The following TAFA4 variants were observed in gnomAD, a reference collection of about 807,000 sequenced individuals.
TAFA4 encodes chemokine-like protein TAFA-4.
Under a neutral mutation model 21.1 loss-of-function variants are expected in TAFA4, and 20 were observed. That is an observed-to-expected ratio of 0.95 (90% confidence interval 0.67 to 1.38). The LOEUF (loss-of-function observed/expected upper bound fraction) is 1.38. Ranked by LOEUF, TAFA4 falls within the 40% of genes most tolerant of loss-of-function variation. The probability of loss-of-function intolerance (pLI) is 0.00; values close to 1 mark genes in which losing one functional copy is unlikely to be tolerated. For synonymous variants in TAFA4, 71 were observed against 67.4 expected (o/e 1.05, Z -0.26); for missense variants, 211 against 180.9 (o/e 1.17, Z -0.95).
At chr3:68,770,345 G>A (rs1246808527) in intron 3 of TAFA4, among the ~76,000 whole-genome samples, 1 of 152,182 alleles carries the variant, frequency 6.6e-6, no homozygotes, top group Non-Finnish European at 1.5e-5. Context: ...AGGACAGGTT[G>A]ATGATAGCAT....
intron 3 of TAFA4, among the ~76,000 whole-genome samples, chr3:68,817,633 C>T (rs1704017447): frequency 6.6e-6 from 1 of 152,224 alleles, no homozygotes; most frequent in South Asian, 2.1e-4. Flanking sequence ...TTCCTTGGTC[C>T]ATGGACTGCA....
intron 3 of TAFA4, among the ~76,000 whole-genome samples, chr3:68,757,142 T>C (rs1702674129): frequency 6.6e-6 from 1 of 152,042 alleles, no homozygotes; most frequent in South Asian, 2.1e-4. Context: ...CAGAAAGGTA[T>C]TTTCTCACAG....
rs368834384 is a variant in TAFA4, at chr3:68,752,952, C to A, written c.197G>T (p.Arg66Leu). 7.4e-6 allele frequency: 12 copies of A among 1,614,048 alleles called. No homozygotes were observed. The highest frequency in any genetic ancestry group is 6.7e-5 in the Admixed American group (4 of 60,016). The change falls in exon 4 of 6, where the codon CGC (arginine) becomes CTC (leucine). Residue 66 changes from arginine (R) to leucine (L), a missense_variant. Arg to Leu is a moderately radical substitution (Grantham distance 102). Transcript: ENST00000295569. ...VAVHRCCNKN[R>L]IEERSQTVKC... ...GACCGTTTGTGACCGCTCTTCTATG[C>A]GGTTCTTATTGCAGCACCTGTGCAC...
intron 3 of TAFA4, among the ~76,000 whole-genome samples, chr3:68,813,672 T>C (rs1559530063): frequency 1.3e-5 from 2 of 152,084 alleles, no homozygotes; most frequent in South Asian, 2.1e-4. Flanking sequence ...AGGCAATAAT[T>C]AATAGCTTAC....
At position 68,752,919 on chromosome 3, in the gene TAFA4, GAGCACTTGACC is replaced by G; in HGVS notation, c.219_229del (p.Val74LeufsTer18). The G allele has an allele frequency of 6.2e-7, 1 of 1,614,104 alleles. No individual in the cohort carries two copies. The highest frequency in any genetic ancestry group is 1.3e-5 in the African/African-American group (1 of 75,014). ...GCCCGCCACCTGTCCCGGGAAGCAA[GAGCACTTGACC>G]GTTTGTGACCGCTCTTCTATGCGGT... On this transcript the variant is annotated frameshift_variant, in exon 4 of 6. Transcript: ENST00000295569. LOFTEE classifies it high-confidence loss of function.
At chr3:68,801,259 A>T (rs779383108) in intron 3 of TAFA4, among the ~76,000 whole-genome samples, 1 of 152,144 alleles carries the variant, frequency 6.6e-6, no homozygotes, top group Non-Finnish European at 1.5e-5. Context: ...GGGCCAAAAT[A>T]TCGGAAGGGA....
chr3:68,799,757 T>G (rs1703534836), intron 3 of TAFA4, among the ~76,000 whole-genome samples: 1 of 151,992 alleles, frequency 6.6e-6, no homozygotes, highest in African/African-American at 2.4e-5. Context: ...AGAGATCGTG[T>G]CTCCAACCCC....
intron 3 of TAFA4, among the ~76,000 whole-genome samples, chr3:68,763,277 T>C (rs192666155): frequency 3.9e-5 from 6 of 152,188 alleles, no homozygotes; most frequent in Non-Finnish European, 7.3e-5. Context: ...AATTGTAAAA[T>C]GGAGGATGAT....
At chr3:68,822,790 C>G (rs562040928) in intron 3 of TAFA4, among the ~76,000 whole-genome samples, 2 of 152,206 alleles carry the variant, frequency 1.3e-5, no homozygotes, top group African/African-American at 4.8e-5. Context: ...TCTTATCATG[C>G]CATTTCTTTC....
At chr3:68,890,353 T>C (rs1186639133) in intron 1 of TAFA4, among the ~76,000 whole-genome samples, 2 of 152,190 alleles carry the variant, frequency 1.3e-5, no homozygotes, top group Non-Finnish European at 2.9e-5. Flanking sequence ...AGACATTACA[T>C]ACGTACTTAA....
intron 3 of TAFA4, among the ~76,000 whole-genome samples, chr3:68,822,546 T>C (rs1254243560): frequency 6.6e-6 from 1 of 152,200 alleles, no homozygotes; most frequent in Non-Finnish European, 1.5e-5. Flanking sequence ...TCATAGCTCA[T>C]TGCAGCCTTG....
At chr3:68,784,968 A>G (rs2314318) in intron 3 of TAFA4, among the ~76,000 whole-genome samples, 104,425 of 151,500 alleles carry the variant, frequency 0.69, 36,439 homozygotes, top group East Asian at 0.98. Context: ...GCTAGACACA[A>G]GGTGCTGATT....
At chr3:68,802,918 T>C (rs1464570592) in intron 3 of TAFA4, among the ~76,000 whole-genome samples, 2 of 152,228 alleles carry the variant, frequency 1.3e-5, no homozygotes, top group Admixed American at 1.3e-4. Flanking sequence ...GAGCTTTGAT[T>C]GCTTTCTTCT....
chr3:68,879,212 C>A (rs927353623), intron 3 of TAFA4, among the ~76,000 whole-genome samples: 5 of 152,006 alleles, frequency 3.3e-5, no homozygotes, highest in African/African-American at 9.7e-5. Context: ...AACTTGCTCC[C>A]GCTGTCAGAC....
In TAFA4 at chr3:68,732,851, C is replaced by T. The variant is rs990707668; in HGVS notation, c.*291G>A. The stretch of plus-strand genomic sequence containing the variant: ...AATGAACATGCCCTTAGTGGTGATC[C>T]ATTTTGAAGACTCTGATTTGCTCTT... On this transcript the variant is annotated 3_prime_UTR_variant, in exon 6 of 6. Transcript: ENST00000295569. 11 of 432,838 alleles carry T rather than the reference C, an allele frequency of 2.5e-5. No homozygotes were observed. The highest frequency in any genetic ancestry group is 4.1e-5 in the Non-Finnish European group (10 of 242,808). 26.8% of individuals were successfully genotyped at this position (432,838 alleles called of 1,614,324 possible). A position where few individuals can be genotyped will look rare whatever the true frequency, so the allele number is the denominator to read the frequency against.
At chr3:68,767,438 C>A (rs1018840002) in intron 3 of TAFA4, among the ~76,000 whole-genome samples, 2 of 151,928 alleles carry the variant, frequency 1.3e-5, no homozygotes, top group African/African-American at 4.8e-5. Flanking sequence ...CAAACATTTA[C>A]ACATGCAAAT....
At chr3:68,921,494 A>G (rs1257538017) in intron 1 of TAFA4, among the ~76,000 whole-genome samples, 1 of 152,226 alleles carries the variant, frequency 6.6e-6, no homozygotes, top group South Asian at 2.1e-4. Context: ...TCATTTAAGC[A>G]AATGCAGAAG....
At chr3:68,851,623 G>A (rs1234297687) in intron 3 of TAFA4, among the ~76,000 whole-genome samples, 1 of 152,078 alleles carries the variant, frequency 6.6e-6, no homozygotes, top group Non-Finnish European at 1.5e-5. Context: ...TACTTGCTAG[G>A]CAAATATTAC....
chr3:68,773,197 C>T (rs1702990171), intron 3 of TAFA4, among the ~76,000 whole-genome samples: 1 of 152,178 alleles, frequency 6.6e-6, no homozygotes, highest in Admixed American at 6.5e-5. Flanking sequence ...AACTTGACTA[C>T]AAATTCAGGG....
Sources: allele counts gnomAD v4.1 joint callset (sites outside exome capture counted in the v4.1 genomes callset), GRCh38; gene constraint gnomAD v4.1.1; transcripts MANE v1.5; gene names NCBI Gene and HGNC (gene_info 2026-07-23, HGNC 2026-07-21).